The following ZDHHC20 variants were observed in gnomAD, a reference collection of about 807,000 sequenced individuals.
ZDHHC20 encodes palmitoyltransferase ZDHHC20.
ZDHHC20 carries 43 observed loss-of-function variants against 57.8 expected under a neutral mutation model. The observed-to-expected ratio is 0.74, with a 90% CI of 0.58 to 0.96. The LOEUF is 0.96. Ranked by LOEUF, ZDHHC20 falls within the 40% of genes least tolerant of loss-of-function variation. ZDHHC20 has a pLI of 0.00. For missense variants in ZDHHC20, 391 were observed against 441.1 expected (o/e 0.89, Z 1.02); for synonymous variants, 157 against 153.0 (o/e 1.03, Z -0.19).
intron 1 of ZDHHC20, among the ~76,000 whole-genome samples, chr13:21,451,215 A>G (rs1884408245): frequency 6.6e-6 from 1 of 152,252 alleles, no homozygotes; most frequent in Non-Finnish European, 1.5e-5. Flanking sequence ...TGTAGGACCA[A>G]TAAGCCATTT....
intron 4 of ZDHHC20, among the ~76,000 whole-genome samples, chr13:21,412,116 G>T (rs571160968): frequency 4.6e-5 from 7 of 152,326 alleles, no homozygotes; most frequent in Admixed American, 3.3e-4. Context: ...GAAACAACAG[G>T]AAGGGTGCTG....
chr13:21,390,906 G>GA (rs572777035), intron 8 of ZDHHC20, among the ~76,000 whole-genome samples: 1,336 of 122,218 alleles, frequency 0.011, 17 homozygotes, highest in African/African-American at 0.036. Context: ...TCAAAAAAAA[G>GA]AAAAAAAAAA....
intron 3 of ZDHHC20, among the ~76,000 whole-genome samples, chr13:21,414,792 T>C (rs1193442456): frequency 6.6e-6 from 1 of 152,066 alleles, no homozygotes; most frequent in East Asian, 1.9e-4. Context: ...GTTCTTTTCA[T>C]ATGTCATCCT....
chr13:21,450,051 A>C (rs1240000143), intron 1 of ZDHHC20, among the ~76,000 whole-genome samples: 1 of 152,150 alleles, frequency 6.6e-6, no homozygotes, highest in African/African-American at 2.4e-5. Context: ...TTAGACATTT[A>C]ATGACAGAAC....
At chr13:21,431,295 CCT>C (rs1398515653) in intron 1 of ZDHHC20, among the ~76,000 whole-genome samples, 1 of 152,054 alleles carries the variant, frequency 6.6e-6, no homozygotes, top group Non-Finnish European at 1.5e-5. Flanking sequence ...AGCAGAAACC[CCT>C]GATAAAACCA....
chr13:21,422,572 T>C (rs1306271058), intron 2 of ZDHHC20, among the ~76,000 whole-genome samples: 1 of 152,204 alleles, frequency 6.6e-6, no homozygotes, highest in Non-Finnish European at 1.5e-5. Flanking sequence ...TCACAGCTTA[T>C]CAGTACAAAT....
chr13:21,420,729 TGA>T (rs1880550903), intron 3 of ZDHHC20, among the ~76,000 whole-genome samples: 1 of 152,256 alleles, frequency 6.6e-6, no homozygotes, highest in Non-Finnish European at 1.5e-5. Flanking sequence ...ATATAAATGT[TGA>T]GAGTTTCTAA....
chr13:21,417,032 T>C (rs1038933292), intron 3 of ZDHHC20, among the ~76,000 whole-genome samples: 3 of 152,214 alleles, frequency 2.0e-5, no homozygotes, highest in African/African-American at 7.2e-5. Flanking sequence ...TTTAAGTCTT[T>C]ATCAATCGGC....
At position 21,376,663 on chromosome 13, in the gene ZDHHC20, AAAAG is replaced by A; in HGVS notation, c.*41-12_*41-9del. The stretch of plus-strand genomic sequence containing the variant: ...TATAATGTTTTCATACACCTACAAA[AAAAG>A]AAACAAATTATTGGTTAAAACTTGA... On this transcript the variant is annotated splice_polypyrimidine_tract_variant and intron_variant, in intron 12 of 12. Transcript: ENST00000400590. The A allele has an allele frequency of 7.1e-7, 1 of 1,409,340 alleles. No homozygotes were observed. The highest frequency in any genetic ancestry group is 9.6e-7 in the Non-Finnish European group (1 of 1,046,662). The allele number at this position is 1,409,340 out of a possible 1,614,324, so 87.3% of individuals were successfully genotyped here. A position where few individuals can be genotyped will look rare whatever the true frequency, so the allele number is the denominator to read the frequency against.
chr13:21,399,170 C>T (rs1158406881), intron 7 of ZDHHC20, among the ~76,000 whole-genome samples: 2 of 152,048 alleles, frequency 1.3e-5, no homozygotes, highest in South Asian at 2.1e-4. Flanking sequence ...TGGTGAAACC[C>T]TGTCTCTACT....
intron 1 of ZDHHC20, among the ~76,000 whole-genome samples, chr13:21,427,035 G>T (rs746183740): frequency 6.6e-6 from 1 of 152,098 alleles, no homozygotes; most frequent in Non-Finnish European, 1.5e-5. Flanking sequence ...TTCAAGGCCC[G>T]TTTTGAATAC....
intron 1 of ZDHHC20, among the ~76,000 whole-genome samples, chr13:21,449,283 T>C (rs1446861492): frequency 6.6e-6 from 1 of 152,112 alleles, no homozygotes; most frequent in East Asian, 1.9e-4. Context: ...CCTGCAATTG[T>C]GTGGGCCAGC....
rs1167015420 is a variant in ZDHHC20, at chr13:21,417,976, G to A, written c.249+3085C>T. Among the ~76,000 whole-genome samples, 3 of 152,120 alleles carry A rather than the reference G, an allele frequency of 2.0e-5. No individual in the cohort carries two copies. The East Asian group carries it at 5.8e-4, about 29-fold the overall frequency. On this transcript the variant is annotated intron_variant, in intron 3 of 12. Coordinates refer to ENST00000400590, the MANE Select transcript of ZDHHC20 (RefSeq NM_001330059.2). ...GCCTACCTCAGTCAGCACACTGTAA[G>A]CTCAGTGACAAAGAGAATCTTAAAT... is the stretch of plus-strand genomic sequence containing the variant.
chr13:21,389,743 C>A (rs758162275), intron 8 of ZDHHC20, among the ~76,000 whole-genome samples: 32 of 152,154 alleles, frequency 2.1e-4, no homozygotes, highest in South Asian at 6.2e-4. Flanking sequence ...CTTGGGCAGT[C>A]CACCACTGCT....
intron 1 of ZDHHC20, among the ~76,000 whole-genome samples, chr13:21,440,863 G>T (rs1883076831): frequency 6.6e-6 from 1 of 151,806 alleles, no homozygotes; most frequent in East Asian, 1.9e-4. Context: ...CAATACATCT[G>T]TCCATGCACC....
chr13:21,392,029 C>A (rs2137729254), intron 7 of ZDHHC20, among the ~76,000 whole-genome samples, 175 bp from the exon 8 acceptor site: 1 of 152,222 alleles, frequency 6.6e-6, no homozygotes, highest in African/African-American at 2.4e-5. Context: ...ATTACCAAAG[C>A]AACCTGCTTA....
chr13:21,392,212 T>TA (rs34810017), intron 7 of ZDHHC20, among the ~76,000 whole-genome samples: 12,502 of 95,638 alleles, frequency 0.13, 1,188 homozygotes, highest in African/African-American at 0.32. Context: ...CCCTGTCTCA[T>TA]AAAAAAAAAA....
chr13:21,395,076 T>C (rs930578411), intron 7 of ZDHHC20, among the ~76,000 whole-genome samples: 103 of 152,016 alleles, frequency 6.8e-4, no homozygotes, highest in African/African-American at 2.4e-3. Flanking sequence ...TTTCTTTTTT[T>C]TTTTTTTTGA....
At chr13:21,415,174 G>A (rs1291530982) in intron 3 of ZDHHC20, among the ~76,000 whole-genome samples, 1 of 152,156 alleles carries the variant, frequency 6.6e-6, no homozygotes, top group East Asian at 1.9e-4. Context: ...TCTGAGTTGA[G>A]GAAATTATGA....
Sources: gnomAD v4.1 joint callset for allele counts (sites outside exome capture counted in the v4.1 genomes callset) on GRCh38, gnomAD v4.1.1 for gene constraint, MANE v1.5 for transcripts, NCBI Gene and HGNC (gene_info 2026-07-23, HGNC 2026-07-21) for gene names.